Variants in RBMS3 observed in about 807,000 individuals in gnomAD.
RBMS3 encodes the protein RNA binding motif single stranded interacting protein 3, also known as RNA-binding motif, single-stranded-interacting protein 3.
Under a neutral mutation model 66.8 loss-of-function variants are expected in RBMS3, and 27 were observed. The ratio of observed to expected loss-of-function variants is 0.40; its 90% CI spans 0.30 to 0.56. The LOEUF (loss-of-function observed/expected upper bound fraction) is 0.56. Among genes scored for constraint, RBMS3 ranks in the 20% least tolerant of loss-of-function variants. RBMS3 has a pLI of 0.40. For synonymous variants in RBMS3, 188 were observed against 183.0 expected, an observed-to-expected ratio of 1.03 and a Z score of -0.22; for missense variants, 513 against 549.5, an observed-to-expected ratio of 0.93 and a Z score of 0.66.
intron 6 of RBMS3, among the ~76,000 whole-genome samples, chr3:29,790,550 A>G (rs2056974730): frequency 1.3e-5 from 2 of 152,162 alleles, no homozygotes; most frequent in Non-Finnish European, 2.9e-5. Flanking sequence ...CAACGCTCTC[A>G]GAAGTATGCC....
chr3:29,297,732 G>A lies in RBMS3; in HGVS notation c.75+15976G>A, dbSNP rs942929863. Among the ~76,000 whole-genome samples, 5 of 151,876 alleles carry A rather than the reference G, an allele frequency of 3.3e-5. 1 individual carries two copies. Among genetic ancestry groups the A allele is most frequent in the East Asian group, 2.0e-4 (1 of 5,112 alleles). ...AATACTTGTACTTTCCTCATTTAAG[G>A]TTCCAGGATACCTTTTGTCCCCTAG... is the stretch of plus-strand genomic sequence containing the variant. On this transcript the variant is annotated intron_variant, in intron 1 of 14. Transcript: ENST00000383767.
At chr3:29,734,989 G>C (rs956101332) in intron 4 of RBMS3, among the ~76,000 whole-genome samples, 4 of 152,068 alleles carry the variant, frequency 2.6e-5, no homozygotes, top group African/African-American at 9.7e-5. Context: ...GCTACTTCCA[G>C]AGCATTTAAA....
intron 4 of RBMS3, 43 bp downstream of exon 4, chr3:29,587,248 TTGTGTGTG>T (rs745367344): frequency 3.5e-5 from 13 of 366,704 alleles, no homozygotes; most frequent in African/African-American, 1.7e-4. Context: ...TTTTTTTTTT[TTGTGTGTG>T]TGTGTGTGTG....
At chr3:29,705,562 G>C (rs1166897739) in intron 4 of RBMS3, among the ~76,000 whole-genome samples, 1 of 151,994 alleles carries the variant, frequency 6.6e-6, no homozygotes, top group Non-Finnish European at 1.5e-5. Flanking sequence ...CATTCACCAG[G>C]TTTATTCTTC....
chr3:29,486,909 C>T (rs1355269923), intron 2 of RBMS3, among the ~76,000 whole-genome samples: 3 of 152,042 alleles, frequency 2.0e-5, no homozygotes, highest in Admixed American at 6.6e-5. Flanking sequence ...GATAGTTATA[C>T]CTGATCTAAT....
intron 4 of RBMS3, among the ~76,000 whole-genome samples, chr3:29,666,452 T>C (rs1227399657): frequency 6.6e-6 from 1 of 152,218 alleles, no homozygotes; most frequent in African/African-American, 2.4e-5. Flanking sequence ...AATGCACATT[T>C]ACTGCATCTT....
rs76352480 is a variant in RBMS3, at chr3:29,766,079, C to G, written c.637+3090C>G. 9.9e-3 allele frequency: 1,507 copies of G among 152,146 alleles called. 19 individuals carry two copies. Among genetic ancestry groups the G allele is most frequent in the Non-Finnish European group, 0.014 (941 of 67,962 alleles). 9.4% of individuals were successfully genotyped at this position (152,146 alleles called of 1,614,324 possible). A position where few individuals can be genotyped will look rare whatever the true frequency, so the allele number is the denominator to read the frequency against. On this transcript the variant is annotated intron_variant, in intron 6 of 14. Coordinates refer to ENST00000383767, the MANE Select transcript of RBMS3 (RefSeq NM_001003793.3). ...AGATTTGGGTGGGGACACAGCCAAACTATGTTGCCTACATTTAATATAACT... is the reference window on the plus strand; with the variant it reads ...AGATTTGGGTGGGGACACAGCCAAAGTATGTTGCCTACATTTAATATAACT...
intron 3 of RBMS3, among the ~76,000 whole-genome samples, chr3:29,536,271 AT>A (rs529069298): frequency 1.2e-3 from 181 of 152,326 alleles, no homozygotes; most frequent in African/African-American, 3.9e-3. Flanking sequence ...GAAGCTTGAT[AT>A]GCAAGGGAAA....
chr3:29,747,352 A>G (rs922588983), intron 5 of RBMS3, among the ~76,000 whole-genome samples: 1 of 139,020 alleles, frequency 7.2e-6, no homozygotes, highest in African/African-American at 2.6e-5. Flanking sequence ...TTTTCCTGAC[A>G]TCTATCTATC....
intron 4 of RBMS3, among the ~76,000 whole-genome samples, chr3:29,695,069 T>G (rs2052205250): frequency 6.6e-6 from 1 of 152,188 alleles, no homozygotes; most frequent in Admixed American, 6.5e-5. Context: ...TTTGGCCATT[T>G]TTTTTAAACA....
At chr3:29,924,225 C>T (rs528851013) in intron 10 of RBMS3, among the ~76,000 whole-genome samples, 9 of 152,188 alleles carry the variant, frequency 5.9e-5, no homozygotes, top group South Asian at 2.1e-4. Context: ...ACAACCCCAC[C>T]GGAAAAATGG....
chr3:29,687,033 C>G (rs868844591), intron 4 of RBMS3, among the ~76,000 whole-genome samples: 23 of 152,244 alleles, frequency 1.5e-4, no homozygotes, highest in Admixed American at 7.9e-4. Flanking sequence ...TGCTTTCAGA[C>G]TAGTACTAGG....
chr3:29,788,860 G>T (rs2056913800), intron 6 of RBMS3, among the ~76,000 whole-genome samples: 1 of 152,132 alleles, frequency 6.6e-6, no homozygotes, highest in Non-Finnish European at 1.5e-5. Context: ...ACACTAGCCA[G>T]TGTGAAAAGT....
chr3:29,377,630 A>G (rs2038545921), intron 1 of RBMS3, among the ~76,000 whole-genome samples: 1 of 152,168 alleles, frequency 6.6e-6, no homozygotes, highest in African/African-American at 2.4e-5. Context: ...AGTTCCATTA[A>G]AAGTCCAAAG....
chr3:29,433,750 T>C (rs1575802999), intron 1 of RBMS3, among the ~76,000 whole-genome samples: 2 of 152,200 alleles, frequency 1.3e-5, no homozygotes, highest in East Asian at 3.8e-4. Context: ...AATTAGTAAA[T>C]ATATATCTAT....
At chr3:29,798,276 G>A (rs1415242503) in intron 6 of RBMS3, among the ~76,000 whole-genome samples, 2 of 117,404 alleles carry the variant, frequency 1.7e-5, no homozygotes, top group Non-Finnish European at 3.5e-5. Flanking sequence ...GAAGGGAAGG[G>A]AAGGGAAGGG....
intron 14 of RBMS3, among the ~76,000 whole-genome samples, chr3:29,997,279 G>A (rs1313991293): frequency 1.3e-5 from 2 of 151,818 alleles, no homozygotes; most frequent in Non-Finnish European, 2.9e-5. Context: ...ATAATCAATA[G>A]CTTACCAACC....
At chr3:29,743,889 TC>T (rs1446553460) in intron 5 of RBMS3, among the ~76,000 whole-genome samples, 1 of 86,970 alleles carries the variant, frequency 1.1e-5, no homozygotes, top group Non-Finnish European at 2.3e-5. Flanking sequence ...ATGCTATCCC[TC>T]CCCCCTCCCC....
At chr3:29,867,450 C>T (rs766175537) in intron 6 of RBMS3, among the ~76,000 whole-genome samples, 4 of 143,166 alleles carry the variant, frequency 2.8e-5, no homozygotes, top group South Asian at 2.5e-4. Flanking sequence ...GTACCACTAC[C>T]GATCTTGGAT....
Sources: allele counts gnomAD v4.1 joint callset (sites outside exome capture counted in the v4.1 genomes callset), GRCh38; gene constraint gnomAD v4.1.1; transcripts MANE v1.5; gene names NCBI Gene and HGNC (gene_info 2026-07-23, HGNC 2026-07-21).